MARK4: variants seen among roughly 807,000 people sequenced by gnomAD.
MARK4 encodes the protein MAP/microtubule affinity-regulating kinase 4.
In MARK4, 19 loss-of-function variants were observed where a neutral mutation model predicts 81.5. That is an observed-to-expected ratio of 0.23 (90% CI 0.16 to 0.34). The LOEUF is 0.34. Ranked by LOEUF, MARK4 falls within the 10% of genes least tolerant of loss-of-function variation. The probability of loss-of-function intolerance (pLI) is 1.00; values close to 1 mark genes in which losing one functional copy is unlikely to be tolerated. For missense variants in MARK4, 772 were observed against 1,058.8 expected (o/e 0.73, Z 3.76); for synonymous variants, 436 against 439.0 (o/e 0.99, Z 0.08).
Position 45,304,354 on chromosome 19 carries a change from G to A in MARK4, c.*1644G>A, listed in dbSNP as rs1971020745. 6.6e-6 allele frequency: 1 copy of A among 152,240 alleles called. No individual in the cohort carries two copies. The highest frequency in any genetic ancestry group is 2.4e-5 in the African/African-American group (1 of 41,456). 9.4% of individuals were successfully genotyped at this position (152,240 alleles called of 1,614,324 possible). ...CTAAACCAATCACTGTGACTCTAGA[G>A]TGGCCAGACTCAGAGCTGCACTTAG... On this transcript the variant is annotated 3_prime_UTR_variant, in exon 17 of 17. Coordinates refer to ENST00000262891, the MANE Select transcript of MARK4 (RefSeq NM_001199867.2).
At chr19:45,280,787 C>T in intron 12 of MARK4, 53 bp downstream of exon 12, 1 of 1,598,996 alleles carries the variant, frequency 6.3e-7, no homozygotes, top group Non-Finnish European at 8.5e-7. Context: ...AAGGCCCAGA[C>T]TTACAGTTAC....
chr19:45,304,800 G>C lies in MARK4; in HGVS notation c.*2090G>C, dbSNP rs899854433. 6.5e-6 allele frequency: 1 copy of C among 152,884 alleles called. No homozygotes were observed. The highest frequency in any genetic ancestry group is 1.5e-5 in the Non-Finnish European group (1 of 68,588). 9.5% of individuals were successfully genotyped at this position (152,884 alleles called of 1,614,324 possible). A position where few individuals can be genotyped will look rare whatever the true frequency, so the allele number is the denominator to read the frequency against. On this transcript the variant is annotated 3_prime_UTR_variant, in exon 17 of 17. Transcript: ENST00000262891. ...AGGAGCCAGCTAGACATGGATAGGAGTGCGTTTTAGGCACAGCAAATGGCA... is the reference window on the plus strand; with the variant it reads ...AGGAGCCAGCTAGACATGGATAGGACTGCGTTTTAGGCACAGCAAATGGCA...
chr19:45,294,267 G>C, intron 13 of MARK4, 82 bp from the exon 14 acceptor site: 1 of 1,314,484 alleles, frequency 7.6e-7, no homozygotes, highest in Non-Finnish European at 1.1e-6. Flanking sequence ...TTCATCGATG[G>C]GGAGGGCAGA....
intron 12 of MARK4, among the ~76,000 whole-genome samples, chr19:45,282,035 C>A (rs1970681797): frequency 6.6e-6 from 1 of 151,928 alleles, no homozygotes; most frequent in African/African-American, 2.4e-5. Context: ...ACCGGCCTGG[C>A]CAACATGGTG....
Position 45,295,607 on chromosome 19 carries a change from T to G in MARK4, c.1598+1155T>G, listed in dbSNP as rs796632550. On this transcript the variant is annotated intron_variant, in intron 14 of 16. Coordinates refer to ENST00000262891, the MANE Select transcript of MARK4 (RefSeq NM_001199867.2). The stretch of plus-strand genomic sequence containing the variant: ...CTGGCCAACATGATGAAACCCTGTC[T>G]CTACTAAAAATACAAAAATTAGCCA... 5.9e-5 allele frequency among the ~76,000 whole-genome samples: 9 copies of G among 152,194 alleles called. 1 individual carries two copies. Among genetic ancestry groups the G allele is most frequent in the African/African-American group, 2.2e-4 (9 of 41,530 alleles).
At chr19:45,281,544 A>G in intron 12 of MARK4, among the ~76,000 whole-genome samples, 1 of 151,736 alleles carries the variant, frequency 6.6e-6, no homozygotes, top group Admixed American at 6.6e-5. Flanking sequence ...TATTTTTAGT[A>G]GAGACAGGGT....
In MARK4 at chr19:45,259,087, C is replaced by G; in HGVS notation, c.150C>G (p.Pro50=). Residue 50 remains proline (P), a synonymous_variant, in exon 2 of 17, where the codon CCC becomes CCG. Coordinates refer to ENST00000262891, the MANE Select transcript of MARK4 (RefSeq NM_001199867.2). The part of the protein sequence containing the change: ...ARCRNSIASC[P]EEQPHVGNYR... ...GCCGGAACTCCATCGCCTCCTGTCC[C>G]GAGGAGCAGCCCCACGTGGGCAACT... 6.2e-7 allele frequency: 1 copy of G among 1,614,090 alleles called. No individual in the cohort carries two copies. Among genetic ancestry groups the G allele is most frequent in the South Asian group, 1.1e-5 (1 of 91,072 alleles).
At chr19:45,279,409 C>T (rs1263817408) in intron 10 of MARK4, among the ~76,000 whole-genome samples, 2 of 152,130 alleles carry the variant, frequency 1.3e-5, no homozygotes, top group Non-Finnish European at 2.9e-5. Flanking sequence ...CCCAGCTCCT[C>T]TGGAGGCTGA....
chr19:45,259,383 T>C (rs3826910), intron 2 of MARK4, among the ~76,000 whole-genome samples, 194 bp downstream of exon 2: 71,714 of 152,088 alleles, frequency 0.47, 18,325 homozygotes, highest in Non-Finnish European at 0.58. Flanking sequence ...ACTAATTTCA[T>C]GTATCCCTGA....
intron 7 of MARK4, among the ~76,000 whole-genome samples, chr19:45,266,635 C>T (rs772481155): frequency 1.3e-5 from 2 of 151,944 alleles, no homozygotes; most frequent in African/African-American, 2.4e-5. Flanking sequence ...TGGCATTCTC[C>T]GACCTTAGGA....
rs755108889 is a variant in MARK4 at position 45,271,894 on chromosome 19, G to A, written c.786+186G>A. Among the ~76,000 whole-genome samples, 9 of 152,218 alleles carry A rather than the reference G, an allele frequency of 5.9e-5. No individual in the cohort carries two copies. The highest frequency in any genetic ancestry group is 6.5e-5 in the Admixed American group (1 of 15,274). ...CCAGCCGAATGGACTGTGCCATGCT[G>A]GGGTTAAGGGCATGATCTTTGCAGC... is the stretch of plus-strand genomic sequence containing the variant. On this transcript the variant is annotated intron_variant, in intron 8 of 16. Coordinates refer to ENST00000262891, the MANE Select transcript of MARK4 (RefSeq NM_001199867.2). This position sits in a 1 kb window ranked among gnomAD's most constrained non-coding sequence, Gnocchi z 4.1.
At chr19:45,292,815 T>G (rs1265703698) in intron 13 of MARK4, among the ~76,000 whole-genome samples, 1 of 151,804 alleles carries the variant, frequency 6.6e-6, no homozygotes, top group African/African-American at 2.4e-5. Context: ...GAGGCTGCAG[T>G]GAGCCATGAT....
Position 45,297,856 on chromosome 19 carries a change from C to T in MARK4, c.1779C>T (p.Ala593=). ...GGGGVQNGPP[A]SPTLAHEAAP... Reference sequence around the variant, plus strand: ...GGGGTGTGCAGAATGGGCCCCCTGCCTCTCCCACACTGGCCCATGAGGCTG... The same window carrying T: ...GGGGTGTGCAGAATGGGCCCCCTGCTTCTCCCACACTGGCCCATGAGGCTG... Residue 593 remains alanine (A), a synonymous_variant, in exon 15 of 17, where the codon GCC becomes GCT. Coordinates refer to ENST00000262891, the MANE Select transcript of MARK4 (RefSeq NM_001199867.2). The T allele has an allele frequency of 6.5e-7, 1 of 1,549,350 alleles. No homozygotes were observed. Among genetic ancestry groups the T allele is most frequent in the Non-Finnish European group, 8.7e-7 (1 of 1,146,694 alleles).
intron 8 of MARK4, among the ~76,000 whole-genome samples, chr19:45,276,678 T>C (rs1423241055): frequency 8.9e-5 from 13 of 146,532 alleles, no homozygotes; most frequent in Admixed American, 8.5e-4. Context: ...CAGGCTGGAG[T>C]GCAGTGGCGC....
intron 8 of MARK4, among the ~76,000 whole-genome samples, chr19:45,273,989 C>T (rs1222162518): frequency 6.6e-6 from 1 of 152,236 alleles, no homozygotes; most frequent in Non-Finnish European, 1.5e-5. Flanking sequence ...GTGGCTCACG[C>T]CTGTAATCCC....
At chr19:45,254,855 G>A (rs1377268063) in intron 1 of MARK4, among the ~76,000 whole-genome samples, 3 of 152,188 alleles carry the variant, frequency 2.0e-5, no homozygotes, top group Non-Finnish European at 4.4e-5. Flanking sequence ...ATTAAGTGTA[G>A]GCGAGTTACC....
At chr19:45,274,495 G>T (rs1970573652) in intron 8 of MARK4, among the ~76,000 whole-genome samples, 1 of 152,036 alleles carries the variant, frequency 6.6e-6, no homozygotes, top group South Asian at 2.1e-4. Context: ...GCTGTGCCTG[G>T]TGGCATGCGC....
chr19:45,260,218 C>A (rs754038897), intron 2 of MARK4, among the ~76,000 whole-genome samples: 1 of 150,938 alleles, frequency 6.6e-6, no homozygotes, highest in African/African-American at 2.4e-5. Flanking sequence ...GGTAAAACCC[C>A]GTCTCTACTA....
chr19:45,301,577 A>AAAAAAAAAAG, intron 16 of MARK4, among the ~76,000 whole-genome samples: 1 of 144,256 alleles, frequency 6.9e-6, no homozygotes, highest in Non-Finnish European at 1.5e-5. Flanking sequence ...AAAAAAAAAA[A>AAAAAAAAAAG]AAGCCGGGCG....
Sources: gnomAD v4.1 joint callset for allele counts (sites outside exome capture counted in the v4.1 genomes callset) on GRCh38, gnomAD v4.1.1 for gene constraint, Gnocchi (gnomAD v3.1) non-coding constraint, MANE v1.5 for transcripts, NCBI Gene and HGNC (gene_info 2026-07-23, HGNC 2026-07-21) for gene names.